ADGRV1: variants seen among roughly 807,000 people sequenced by gnomAD.
The protein encoded by ADGRV1 is G-protein coupled receptor 98.
A neutral mutation model predicts 596.2 loss-of-function variants in ADGRV1; 359 were observed. The ratio of observed to expected loss-of-function variants is 0.60; its 90% CI spans 0.55 to 0.66. ADGRV1 has a LOEUF of 0.66. Among genes scored for constraint, ADGRV1 ranks in the 30% least tolerant of loss-of-function variants. ADGRV1 has a pLI of 0.00. For synonymous variants in ADGRV1, 2,681 were observed against 2,679.2 expected (o/e 1.00, Z -0.02); for missense variants, 7,274 against 7,575.6 (o/e 0.96, Z 1.48).
chr5:91,106,886 G>A (rs1791922609), intron 87 of ADGRV1, among the ~76,000 whole-genome samples: 1 of 152,210 alleles, frequency 6.6e-6, no homozygotes, highest in Admixed American at 6.6e-5. Flanking sequence ...AGAGAGCTAG[G>A]AAGAGAACCT....
intron 3 of ADGRV1, 93 bp downstream of exon 3, chr5:90,618,046 A>G (rs1763591434): frequency 1.1e-6 from 1 of 930,150 alleles, no homozygotes; most frequent in African/African-American, 1.7e-5. Context: ...CTATCTAGAG[A>G]TGAGCCAATT....
intron 50 of ADGRV1, among the ~76,000 whole-genome samples, chr5:90,734,233 G>A (rs942131712): frequency 6.6e-6 from 1 of 152,200 alleles, no homozygotes; most frequent in African/African-American, 2.4e-5. Flanking sequence ...GAACATGGGA[G>A]TGCAGATATC....
intron 85 of ADGRV1, among the ~76,000 whole-genome samples, chr5:91,011,992 T>C (rs924129020): frequency 7.9e-5 from 12 of 152,106 alleles, no homozygotes; most frequent in African/African-American, 2.2e-4. Context: ...CCCTTTCTTT[T>C]TGATTAACCA....
intron 9 of ADGRV1, among the ~76,000 whole-genome samples, chr5:90,631,323 T>C (rs533481984): frequency 6.6e-6 from 1 of 152,262 alleles, no homozygotes; most frequent in Admixed American, 6.5e-5. Flanking sequence ...TTTTGAAGAC[T>C]CCCGCGTTTT....
intron 46 of ADGRV1, 27 bp downstream of exon 46, chr5:90,725,016 CA>C: frequency 1.3e-6 from 2 of 1,557,368 alleles, no homozygotes; most frequent in Non-Finnish European, 1.7e-6. Flanking sequence ...TTTTATAGTA[CA>C]AAAATAAAAT....
chr5:90,716,426 T>C (rs767240805), intron 42 of ADGRV1, 41 bp from the exon 43 acceptor site: 8 of 1,460,708 alleles, frequency 5.5e-6, no homozygotes, highest in Non-Finnish European at 6.4e-6. Context: ...TTATAACCTC[T>C]TCTATTTTCA....
intron 86 of ADGRV1, among the ~76,000 whole-genome samples, chr5:91,075,217 T>C (rs1008356592): frequency 5.9e-5 from 9 of 152,320 alleles, no homozygotes; most frequent in Non-Finnish European, 1.2e-4. Context: ...GCTATGCTTT[T>C]AATCAACTTG....
At chr5:91,067,294 C>T (rs1787967090) in intron 85 of ADGRV1, among the ~76,000 whole-genome samples, 1 of 152,026 alleles carries the variant, frequency 6.6e-6, no homozygotes, top group Non-Finnish European at 1.5e-5. Context: ...AAAGCATGTG[C>T]CACCACACCC....
chr5:90,559,360 A>G (rs1476770012), intron 1 of ADGRV1, among the ~76,000 whole-genome samples: 3 of 152,208 alleles, frequency 2.0e-5, no homozygotes, highest in Non-Finnish European at 4.4e-5. Context: ...GATAAACTTA[A>G]GGAGACTTGT....
Position 90,811,122 on chromosome 5 carries a change from G to A in ADGRV1, c.15862G>A (p.Ala5288Thr). 1.9e-6 allele frequency: 3 copies of A among 1,613,826 alleles called. No homozygotes were observed. Among genetic ancestry groups the A allele is most frequent in the Non-Finnish European group, 2.5e-6 (3 of 1,179,780 alleles). ...CTATGGGATTTCCAACCTAACATGG[G>A]CAGTTGAAGAAGAAGACTTTGAAGA... ...GIYGISNLTWAVEEEDFEEQT... is the reference protein window; with the variant it reads ...GIYGISNLTWTVEEEDFEEQT... The change falls in exon 74 of 90, where the codon GCA (alanine) becomes ACA (threonine). Residue 5288 changes from alanine (A) to threonine (T), a missense_variant. This residue lies in a region of ADGRV1 where 1,874 missense variants were observed against 1,970.2 expected (regional missense o/e 0.95). Coordinates refer to ENST00000405460, the MANE Select transcript of ADGRV1 (RefSeq NM_032119.4).
chr5:91,081,877 A>G (rs1401463046), intron 86 of ADGRV1, among the ~76,000 whole-genome samples: 1 of 152,262 alleles, frequency 6.6e-6, no homozygotes, highest in Non-Finnish European at 1.5e-5. Flanking sequence ...ATACTTAACT[A>G]GTGCTGCCAC....
At chr5:91,152,985 A>T (rs1390991857) in intron 88 of ADGRV1, among the ~76,000 whole-genome samples, 3 of 152,186 alleles carry the variant, frequency 2.0e-5, no homozygotes, top group Non-Finnish European at 4.4e-5. Flanking sequence ...TGAGAGGCTG[A>T]GGCAGGATCT....
chr5:90,750,808 C>A (rs79730193), intron 53 of ADGRV1, 111 bp downstream of exon 53: 2 of 711,300 alleles, frequency 2.8e-6, no homozygotes, highest in Non-Finnish European at 4.7e-6. Context: ...CATATCAACA[C>A]TGAATTCCTA....
intron 85 of ADGRV1, among the ~76,000 whole-genome samples, chr5:91,004,196 C>T (rs1782078156): frequency 6.6e-6 from 1 of 152,068 alleles, no homozygotes; most frequent in Non-Finnish European, 1.5e-5. Context: ...GATGAAAAAG[C>T]ATCTAGGTGT....
At chr5:90,795,915 T>C (rs1004441459) in intron 70 of ADGRV1, among the ~76,000 whole-genome samples, 8 of 152,064 alleles carry the variant, frequency 5.3e-5, no homozygotes. Flanking sequence ...GACCTGACTG[T>C]TAGAAGGAAA....
chr5:90,575,402 T>C (rs1757070132), intron 1 of ADGRV1, among the ~76,000 whole-genome samples: 1 of 152,028 alleles, frequency 6.6e-6, no homozygotes, highest in Non-Finnish European at 1.5e-5. Context: ...TACAGGTGTA[T>C]GCATCACGCC....
chr5:90,587,142 A>G (rs1164171079), intron 1 of ADGRV1, among the ~76,000 whole-genome samples: 1 of 152,176 alleles, frequency 6.6e-6, no homozygotes, highest in Admixed American at 6.5e-5. Context: ...GTTTCAAACA[A>G]TCACATTCAT....
At chr5:90,765,215 C>G (rs73177426) in intron 59 of ADGRV1, among the ~76,000 whole-genome samples, 3,103 of 152,196 alleles carry the variant, frequency 0.02, 43 homozygotes, top group Middle Eastern at 0.086. Flanking sequence ...ACCTGATGTC[C>G]CTAGAGAGCC....
At chr5:90,817,204 T>A (rs1432137044) in intron 75 of ADGRV1, among the ~76,000 whole-genome samples, 2 of 151,732 alleles carry the variant, frequency 1.3e-5, no homozygotes, top group African/African-American at 4.9e-5. Context: ...GCTGCATAAA[T>A]GTCTTCTTTT....
Sources: gnomAD v4.1 joint callset for allele counts (sites outside exome capture counted in the v4.1 genomes callset) on GRCh38, gnomAD v4.1.1 for gene constraint, gnomAD v4.1.1 regional missense constraint, MANE v1.5 for transcripts, NCBI Gene and HGNC (gene_info 2026-07-23, HGNC 2026-07-21) for gene names.